Variants in COG5 observed in about 807,000 individuals in gnomAD.
The protein encoded by COG5 is component of oligomeric golgi complex 5, also known as conserved oligomeric Golgi complex subunit 5.
COG5 carries 86 observed loss-of-function variants against 110.4 expected under a neutral mutation model. The observed-to-expected ratio is 0.78, with a 90% confidence interval of 0.65 to 0.93. The LOEUF (loss-of-function observed/expected upper bound fraction) is 0.93. COG5 is among the 40% of genes least tolerant of loss of function. The pLI is 0.00. For missense variants in COG5, 1,077 were observed against 987.0 expected (o/e 1.09, Z -1.22); for synonymous variants, 360 against 334.6 (o/e 1.08, Z -0.83).
Position 107,210,598 on chromosome 7 carries a change from T to C in COG5, c.2303A>G (p.Glu768Gly), listed in dbSNP as rs777449606. Reference protein sequence around the residue: ...AELKSPFQRAEWSHTRFSQWL... With the variant: ...AELKSPFQRAGWSHTRFSQWL... ...CTGAGAGAAGCGTGTGTGGGACCAC[T>C]CTGCCCTCTGCAGGGTTGAAACACA... The change falls in exon 21 of 22, where the codon GAG becomes GGG. Residue 768 changes from glutamate to glycine, a missense_variant. By Grantham distance (98) the Glu-to-Gly change is moderately conservative. Transcript: ENST00000297135. 1 of 1,600,334 alleles carries C rather than the reference T, an allele frequency of 6.2e-7. No individual in the cohort carries two copies. The highest frequency in any genetic ancestry group is 2.2e-5 in the East Asian group (1 of 44,684).
chr7:107,410,727 C>T (rs1404363822), intron 7 of COG5, among the ~76,000 whole-genome samples: 2 of 152,034 alleles, frequency 1.3e-5, no homozygotes, highest in Non-Finnish European at 2.9e-5. Flanking sequence ...CAGGTGTGAG[C>T]CACCGTGCCC....
At chr7:107,434,780 C>T (rs1794256045) in intron 6 of COG5, among the ~76,000 whole-genome samples, 2 of 151,962 alleles carry the variant, frequency 1.3e-5, no homozygotes, top group Admixed American at 6.6e-5. Context: ...ACCATCCTGG[C>T]TAACACAGTG....
intron 19 of COG5, among the ~76,000 whole-genome samples, chr7:107,211,772 T>C (rs964894090): frequency 2.6e-5 from 4 of 152,226 alleles, no homozygotes; most frequent in Admixed American, 2.0e-4. Context: ...CTATATTACA[T>C]GTATGGGTTT....
intron 18 of COG5, among the ~76,000 whole-genome samples, chr7:107,235,326 G>A (rs1801099067): frequency 6.6e-6 from 1 of 152,202 alleles, no homozygotes; most frequent in Non-Finnish European, 1.5e-5. Context: ...CTTTATAAGT[G>A]GGGAGGATCT....
intron 6 of COG5, among the ~76,000 whole-genome samples, chr7:107,509,217 T>C (rs1226471178): frequency 6.6e-6 from 1 of 152,020 alleles, no homozygotes; most frequent in African/African-American, 2.4e-5. Flanking sequence ...CTGAGGTAGC[T>C]GAAAGCCAAG....
At chr7:107,489,989 A>C (rs1045745524) in intron 6 of COG5, among the ~76,000 whole-genome samples, 3 of 152,184 alleles carry the variant, frequency 2.0e-5, no homozygotes, top group Non-Finnish European at 2.9e-5. Context: ...ACAGCAATCA[A>C]TGGAAACTTT....
chr7:107,232,994 G>A (rs1800889660), intron 18 of COG5, among the ~76,000 whole-genome samples: 1 of 152,160 alleles, frequency 6.6e-6, no homozygotes, highest in Non-Finnish European at 1.5e-5. Flanking sequence ...GAGAAGAAAA[G>A]GCAATAGGAA....
chr7:107,457,358 A>AG (rs1197235207), intron 6 of COG5, among the ~76,000 whole-genome samples: 2 of 147,748 alleles, frequency 1.4e-5, no homozygotes, highest in African/African-American at 5.0e-5. Flanking sequence ...TAAAGCTATG[A>AG]GGAGAAAAAA....
chr7:107,301,289 C>CA (rs1179005497), intron 11 of COG5, among the ~76,000 whole-genome samples: 2 of 151,412 alleles, frequency 1.3e-5, no homozygotes, highest in South Asian at 2.1e-4. Context: ...GTCTGCTCTT[C>CA]AAAAAAAATA....
rs143922498 is a variant in COG5, at chr7:107,309,988, G to A, written c.1109-11642C>T. 8.6e-4 allele frequency among the ~76,000 whole-genome samples: 131 copies of A among 152,102 alleles called. 1 individual carries two copies. Among genetic ancestry groups the A allele is most frequent in the African/African-American group, 2.9e-3 (120 of 41,462 alleles). On this transcript the variant is annotated intron_variant, in intron 11 of 21. Coordinates refer to ENST00000297135, the MANE Select transcript of COG5 (RefSeq NM_006348.5). The stretch of plus-strand genomic sequence containing the variant: ...AAATATAAGGAAAATGTATATTTAT[G>A]TCACCTCTTTCTTAGGTAAACAAAA...
chr7:107,391,699 T>A (rs896158374), intron 7 of COG5, among the ~76,000 whole-genome samples: 1 of 152,178 alleles, frequency 6.6e-6, no homozygotes, highest in South Asian at 2.1e-4. Context: ...CCTTTGCATG[T>A]GGGAGGAATC....
intron 6 of COG5, among the ~76,000 whole-genome samples, chr7:107,483,460 C>G (rs565350755): frequency 6.6e-6 from 1 of 152,120 alleles, no homozygotes; most frequent in African/African-American, 2.4e-5. Context: ...AATCTCAGCA[C>G]TTTGGGAGGC....
intron 6 of COG5, chr7:107,450,472 GC>G (rs1563042454): frequency 6.6e-6 from 1 of 152,282 alleles, no homozygotes; most frequent in African/African-American, 2.4e-5. Context: ...TCAAGAGGAA[GC>G]AGATGAGTTC....
rs1037300273 is a variant in COG5, at chr7:107,236,757, T to TC, written c.1854-71dup. On this transcript the variant is annotated intron_variant, in intron 17 of 21. Transcript: ENST00000297135. ...CACACTCTTTGATTTTGTACCCCTC[T>TC]CCCCACCAATGCTGCTATTTCAATC... 8.5e-6 allele frequency: 8 copies of TC among 936,640 alleles called. No homozygotes were observed. In the African/African-American group the frequency reaches 1.3e-4, roughly 15 times the overall value. 58.0% of individuals were successfully genotyped at this position (936,640 alleles called of 1,614,324 possible).
At chr7:107,534,637 G>A (rs2129163283) in intron 5 of COG5, among the ~76,000 whole-genome samples, 1 of 151,534 alleles carries the variant, frequency 6.6e-6, no homozygotes, top group African/African-American at 2.4e-5. Context: ...AAATATATAT[G>A]CACGCAATAC....
In COG5 at chr7:107,459,045, A is replaced by C. The variant is rs566588723; in HGVS notation, c.539-46413T>G. Among the ~76,000 whole-genome samples the C allele has an allele frequency of 1.3e-4, 20 of 152,150 alleles. No homozygotes were observed. The East Asian group carries it at 3.5e-3, about 26-fold the overall frequency. ...AAAAGGGTAGGAAACAGAAAAAATG[A>C]ACAAGGAATACATGGAACAAACAGA... On this transcript the variant is annotated intron_variant, in intron 6 of 21. Coordinates refer to ENST00000297135, the MANE Select transcript of COG5 (RefSeq NM_006348.5).
intron 14 of COG5, among the ~76,000 whole-genome samples, chr7:107,278,454 T>C (rs1804881116): frequency 6.6e-6 from 1 of 152,126 alleles, no homozygotes; most frequent in African/African-American, 2.4e-5. Context: ...CGGTGTGTGA[T>C]GTTCCCCTCT....
intron 14 of COG5, among the ~76,000 whole-genome samples, chr7:107,264,638 AGTTAAG>A (rs1383730083): frequency 5.3e-5 from 8 of 152,290 alleles, no homozygotes; most frequent in Admixed American, 4.6e-4. Flanking sequence ...GATTGCAGTG[AGTTAAG>A]ATCACACCAC....
intron 11 of COG5, among the ~76,000 whole-genome samples, chr7:107,312,274 A>C (rs1808335371): frequency 6.6e-6 from 1 of 152,198 alleles, no homozygotes; most frequent in African/African-American, 2.4e-5. Context: ...TTAACACTTT[A>C]GGGATCCATC....
Sources: gnomAD v4.1 joint callset for allele counts (sites outside exome capture counted in the v4.1 genomes callset) on GRCh38, gnomAD v4.1.1 for gene constraint, MANE v1.5 for transcripts, NCBI Gene and HGNC (gene_info 2026-07-23, HGNC 2026-07-21) for gene names.